Variants in ESR1 observed in about 807,000 individuals in gnomAD.
ESR1 encodes the protein estrogen receptor 1.
A neutral mutation model predicts 52.7 loss-of-function variants in ESR1; 12 were observed. The ratio of observed to expected loss-of-function variants is 0.23; its 90% confidence interval spans 0.15 to 0.37. The LOEUF is 0.37. ESR1 is among the 10% of genes least tolerant of loss of function. ESR1 has a pLI of 1.00. For missense variants in ESR1, 584 were observed against 779.7 expected (o/e 0.75, Z 2.99); for synonymous variants, 305 against 316.8 (o/e 0.96, Z 0.39).
intron 5 of ESR1, among the ~76,000 whole-genome samples, chr6:152,044,931 CA>C (rs2046106882): frequency 6.6e-6 from 1 of 152,234 alleles, no homozygotes; most frequent in Admixed American, 6.5e-5. Context: ...TATTAACCAT[CA>C]CCCTAGGCTT....
chr6:151,779,330 T>A (rs193053738), intron 2 of ESR1, among the ~76,000 whole-genome samples: 118 of 152,266 alleles, frequency 7.7e-4, no homozygotes, highest in Admixed American at 6.1e-3. Context: ...GTTTTCCCAA[T>A]ACCATTTATT....
intron 4 of ESR1, among the ~76,000 whole-genome samples, chr6:152,005,903 G>A (rs539583319): frequency 2.0e-5 from 3 of 152,168 alleles, no homozygotes; most frequent in African/African-American, 7.2e-5. Flanking sequence ...GCCTGTGGAC[G>A]AAGGCTATTG....
chr6:151,902,806 A>G (rs1584095246), intron 3 of ESR1, among the ~76,000 whole-genome samples: 1 of 152,176 alleles, frequency 6.6e-6, no homozygotes, highest in African/African-American at 2.4e-5. Context: ...AGTACGTTCA[A>G]TTTTTCCCAC....
chr6:151,947,277 C>A (rs376318011), intron 4 of ESR1, among the ~76,000 whole-genome samples: 1 of 152,170 alleles, frequency 6.6e-6, no homozygotes, highest in African/African-American at 2.4e-5. Flanking sequence ...CGAGACCCCA[C>A]AACTGCACTC....
At chr6:151,680,186 T>C (rs117890089) in intron 1 of ESR1, among the ~76,000 whole-genome samples, 19 of 149,102 alleles carry the variant, frequency 1.3e-4, no homozygotes, top group Non-Finnish European at 2.7e-4. Flanking sequence ...GACAGCCACC[T>C]TGCTTTTTTT....
intron 4 of ESR1, among the ~76,000 whole-genome samples, chr6:151,970,738 C>G (rs968428686): frequency 1.3e-5 from 2 of 152,188 alleles, no homozygotes; most frequent in African/African-American, 4.8e-5. Flanking sequence ...TTTTATTCTC[C>G]TCGCTCTCTC....
chr6:152,010,381 A>G (rs2042667285), intron 4 of ESR1, among the ~76,000 whole-genome samples: 1 of 152,098 alleles, frequency 6.6e-6, no homozygotes, highest in South Asian at 2.1e-4. Context: ...AATATTCATG[A>G]GAGAAAAAGA....
At chr6:152,006,429 G>A (rs1042397481) in intron 4 of ESR1, among the ~76,000 whole-genome samples, 2 of 151,858 alleles carry the variant, frequency 1.3e-5, no homozygotes, top group Admixed American at 6.6e-5. Context: ...CTATAGGAAC[G>A]ATAGGGCCCA....
chr6:151,842,855 G>A, intron 2 of ESR1, 68 bp downstream of exon 2: 1 of 1,353,564 alleles, frequency 7.4e-7, no homozygotes, highest in African/African-American at 1.4e-5. Context: ...CAAAGCGACT[G>A]AGGAAGGAAG....
chr6:151,852,639 GTT>G (rs35050297), intron 2 of ESR1, among the ~76,000 whole-genome samples: 2 of 127,892 alleles, frequency 1.6e-5, no homozygotes, highest in African/African-American at 3.0e-5. Flanking sequence ...CCAAGCAGGT[GTT>G]TTTTTTTTTT....
chr6:151,851,632 A>G (rs1786738273), intron 2 of ESR1, among the ~76,000 whole-genome samples: 2 of 151,846 alleles, frequency 1.3e-5, no homozygotes, highest in Admixed American at 1.3e-4. Context: ...GGTTCAAGCA[A>G]TTCTCCTGCC....
At chr6:151,810,007 C>A (rs1778548342) in intron 1 of ESR1, among the ~76,000 whole-genome samples, 3 of 152,060 alleles carry the variant, frequency 2.0e-5, no homozygotes, top group Admixed American at 2.0e-4. Flanking sequence ...AAACCATTTT[C>A]TTCCCTATTT....
chr6:152,004,548 C>G (rs1265275545), intron 4 of ESR1, among the ~76,000 whole-genome samples: 1 of 151,816 alleles, frequency 6.6e-6, no homozygotes, highest in African/African-American at 2.4e-5. Context: ...TGGTTTTTAT[C>G]CTCTATTTAG....
chr6:151,983,848 A>G (rs1353570270), intron 4 of ESR1: 1 of 152,108 alleles, frequency 6.6e-6, no homozygotes, highest in Non-Finnish European at 1.5e-5. Context: ...CTTGAGACAA[A>G]TAGAAAATTT....
At chr6:152,068,715 C>A (rs866537345) in intron 6 of ESR1, among the ~76,000 whole-genome samples, 15 of 152,132 alleles carry the variant, frequency 9.9e-5, no homozygotes, top group African/African-American at 2.9e-4. Context: ...TTCTCAGGAG[C>A]GTGTGGAACC....
chr6:151,807,457 C>T (rs775625989), upstream of ESR1: 5 of 247,080 alleles, frequency 2.0e-5, no homozygotes, highest in Admixed American at 4.7e-5. Flanking sequence ...CTCGTGCGCC[C>T]CCGCCCCCTG....
rs189394693 is a variant in ESR1, at chr6:151,957,165, C to A, written c.1096+12657C>A. The stretch of plus-strand genomic sequence containing the variant: ...GTGCTGGGATTACAGGTGTGAACCA[C>A]CACGTGCGACCCACATGTCTGTATA... On this transcript the variant is annotated intron_variant, in intron 4 of 7. Transcript: ENST00000206249. Among the ~76,000 whole-genome samples, 851 of 152,170 alleles carry A rather than the reference C, an allele frequency of 5.6e-3. 11 individuals are homozygous for A. The highest frequency in any genetic ancestry group is 0.02 in the African/African-American group (820 of 41,520).
chr6:151,877,617 C>CAT (rs1448619038), intron 2 of ESR1, among the ~76,000 whole-genome samples: 1 of 152,112 alleles, frequency 6.6e-6, no homozygotes, highest in African/African-American at 2.4e-5. Context: ...TACAAAGATA[C>CAT]ATATCTACAG....
In ESR1 at chr6:152,022,091, G is replaced by A. The variant is rs534486617; in HGVS notation, c.1235+10297G>A. Among the ~76,000 whole-genome samples, 16 of 152,190 alleles carry A rather than the reference G, an allele frequency of 1.1e-4. No individual in the cohort carries two copies. The South Asian group carries it at 1.9e-3, about 18-fold the overall frequency. On this transcript the variant is annotated intron_variant, in intron 5 of 7. Coordinates refer to ENST00000206249, the MANE Select transcript of ESR1 (RefSeq NM_000125.4). ...ACTCTGGAAACTAGGTTTCTACTTCGGACCCCTGAGAGAAAAGGGTTATGT... is the reference window on the plus strand; with the variant it reads ...ACTCTGGAAACTAGGTTTCTACTTCAGACCCCTGAGAGAAAAGGGTTATGT...
Sources: gnomAD v4.1 joint callset for allele counts (sites outside exome capture counted in the v4.1 genomes callset) on GRCh38, gnomAD v4.1.1 for gene constraint, MANE v1.5 for transcripts, NCBI Gene and HGNC (gene_info 2026-07-23, HGNC 2026-07-21) for gene names.